CEP152: variants seen among roughly 807,000 people sequenced by gnomAD.
CEP152 encodes the protein centrosomal protein 152, also known as centrosomal protein of 152 kDa.
In CEP152, 132 loss-of-function variants were observed where a neutral mutation model predicts 188.9. That is an observed-to-expected ratio of 0.70 (90% CI 0.61 to 0.81). The LOEUF (loss-of-function observed/expected upper bound fraction) is 0.81, where lower values mean the gene tolerates loss of function less well. Among genes scored for constraint, CEP152 ranks in the 30% least tolerant of loss-of-function variants. The probability of loss-of-function intolerance (pLI) is 0.00; values close to 1 mark genes in which losing one functional copy is unlikely to be tolerated. For missense variants in CEP152, 1,914 were observed against 1,969.8 expected, an observed-to-expected ratio of 0.97 and a Z score of 0.54; for synonymous variants, 649 against 666.6, an observed-to-expected ratio of 0.97 and a Z score of 0.41.
chr15:48,741,717 C>T lies in CEP152; in HGVS notation c.3990-13G>A. 1 of 1,613,794 alleles carries T rather than the reference C, an allele frequency of 6.2e-7. No homozygotes were observed. The highest frequency in any genetic ancestry group is 8.5e-7 in the Non-Finnish European group (1 of 1,179,980). On this transcript the variant is annotated splice_polypyrimidine_tract_variant and intron_variant, in intron 25 of 26. Transcript: ENST00000380950. ...CTTTTTCTCAGCCCTGTGGGGAATTCCAGAATATTAAAAATATAGTTTAAA... is the reference window on the plus strand; with the variant it reads ...CTTTTTCTCAGCCCTGTGGGGAATTTCAGAATATTAAAAATATAGTTTAAA...
intron 9 of CEP152, 43 bp downstream of exon 9, chr15:48,788,758 C>G: frequency 6.5e-7 from 1 of 1,537,678 alleles, no homozygotes; most frequent in Non-Finnish European, 9.0e-7. Context: ...ACATAACCAG[C>G]TTTACTTGTT....
rs34837739 is a variant in CEP152, at chr15:48,765,636, ATTTTTTTTTTTT to A, written c.2280+1412_2280+1423del. The A allele has an allele frequency of 5.3e-4, 100 of 189,458 alleles. 1 individual carries two copies. Among genetic ancestry groups the A allele is most frequent in the Middle Eastern group, 1.7e-3 (2 of 1,204 alleles). 11.7% of individuals were successfully genotyped at this position (189,458 alleles called of 1,614,324 possible). ...GAAAATTCCTCTTATGTTCTTGCCA[ATTTTTTTTTTTT>A]TTTTTTTTTTTTTTTTTTTTTGAGA... On this transcript the variant is annotated intron_variant, in intron 17 of 26. Coordinates refer to ENST00000380950, the MANE Select transcript of CEP152 (RefSeq NM_001194998.2).
intron 7 of CEP152, 64 bp from the exon 8 acceptor site, chr15:48,791,440 CA>C: frequency 7.3e-7 from 1 of 1,362,476 alleles, no homozygotes; most frequent in Non-Finnish European, 1.0e-6. Flanking sequence ...GTCACAATCC[CA>C]ATCAGATGTC....
chr15:48,793,581 G>C, intron 6 of CEP152, 120 bp from the exon 7 acceptor site: 9 of 829,748 alleles, frequency 1.1e-5, no homozygotes, highest in South Asian at 1.6e-5. Flanking sequence ...AATCAATTCA[G>C]TGAATTGTGA....
At chr15:48,766,200 T>C (rs1462523088) in intron 17 of CEP152, among the ~76,000 whole-genome samples, 1 of 152,234 alleles carries the variant, frequency 6.6e-6, no homozygotes, top group Non-Finnish European at 1.5e-5. Flanking sequence ...ACTGAATTCC[T>C]CGCCTGCTCT....
chr15:48,769,723 G>A (rs1895392806), intron 13 of CEP152, among the ~76,000 whole-genome samples: 1 of 152,126 alleles, frequency 6.6e-6, no homozygotes, highest in Non-Finnish European at 1.5e-5. Flanking sequence ...CTCCTACTAA[G>A]ATCAAGCATT....
intron 13 of CEP152, among the ~76,000 whole-genome samples, chr15:48,772,286 C>T (rs1202676979): frequency 6.6e-6 from 1 of 152,058 alleles, no homozygotes. Context: ...TGGCGTGCGC[C>T]TGTGGTCCCA....
chr15:48,776,595 C>CT (rs1895923543), intron 12 of CEP152, among the ~76,000 whole-genome samples: 1 of 152,064 alleles, frequency 6.6e-6, no homozygotes, highest in Non-Finnish European at 1.5e-5. Flanking sequence ...ATAAGTAAAA[C>CT]TTTTAAACAG....
At chr15:48,747,552 A>G (rs1328929766) in intron 22 of CEP152, among the ~76,000 whole-genome samples, 2 of 152,196 alleles carry the variant, frequency 1.3e-5, no homozygotes, top group African/African-American at 4.8e-5. Flanking sequence ...AGGGAAAATC[A>G]AGAAGGGCTT....
At chr15:48,745,026 T>TA in intron 22 of CEP152, 34 bp from the exon 23 acceptor site, 4 of 1,488,732 alleles carry the variant, frequency 2.7e-6, no homozygotes, top group Non-Finnish European at 3.6e-6. Context: ...ATTAGACAGT[T>TA]AAAAATTTTT....
At chr15:48,789,049 T>C (rs778114753) in intron 8 of CEP152, 48 bp from the exon 9 acceptor site, 8 of 1,488,794 alleles carry the variant, frequency 5.4e-6, no homozygotes, top group African/African-American at 4.1e-5. Context: ...ACACAGAGTA[T>C]TTTAGCTCTG....
At chr15:48,809,850 ATC>A (rs1193121656) in intron 1 of CEP152, among the ~76,000 whole-genome samples, 2 of 152,232 alleles carry the variant, frequency 1.3e-5, no homozygotes, top group Non-Finnish European at 2.9e-5. Context: ...GATTCCGCAT[ATC>A]TGAGAAAAGG....
At chr15:48,750,674 A>G (rs1329667500) in intron 21 of CEP152, among the ~76,000 whole-genome samples, 2 of 152,212 alleles carry the variant, frequency 1.3e-5, no homozygotes, top group Admixed American at 1.3e-4. Context: ...TGAATGAACT[A>G]GAGCTATTGC....
intron 3 of CEP152, 102 bp downstream of exon 3, chr15:48,797,846 A>T (rs1897409118): frequency 6.7e-7 from 1 of 1,493,346 alleles, no homozygotes; most frequent in Non-Finnish European, 9.2e-7. Flanking sequence ...AAATTTTAAG[A>T]ATCAATTTAC....
At chr15:48,745,023 A>G in intron 22 of CEP152, 31 bp from the exon 23 acceptor site, 2 of 1,501,652 alleles carry the variant, frequency 1.3e-6, no homozygotes, top group Non-Finnish European at 1.8e-6. Context: ...TATATTAGAC[A>G]GTTAAAAATT....
chr15:48,791,200 TTTAA>T (rs767125174), intron 8 of CEP152, 33 bp downstream of exon 8: 1 of 1,579,700 alleles, frequency 6.3e-7, no homozygotes, highest in Non-Finnish European at 8.6e-7. Context: ...TAACTAAACT[TTTAA>T]TTTTTTTACC....
At position 48,791,421 on chromosome 15, in the gene CEP152, G is replaced by A. The variant is rs201345086; in HGVS notation, c.833-45C>T. 7.8e-5 allele frequency: 121 copies of A among 1,543,182 alleles called. No homozygotes were observed. In the African/African-American group the frequency reaches 1.5e-3, roughly 20 times the overall value. The stretch of plus-strand genomic sequence containing the variant: ...TATATAAATAATGTTCCTGTAGAGG[G>A]ACCCCAATGTCACAATCCCAATCAG... On this transcript the variant is annotated intron_variant, in intron 7 of 26. Transcript: ENST00000380950.
In CEP152 at chr15:48,744,328, C is replaced by A; in HGVS notation, c.3747G>T (p.Gly1249=). Reference sequence around the variant, plus strand: ...ATGGCAGGCAAGCATTTTCAATGGCCCCTGCTGACAATGACCTAAAAAACA... The same window carrying A: ...ATGGCAGGCAAGCATTTTCAATGGCACCTGCTGACAATGACCTAAAAAACA... ...CKTPPRSLSA[G]AIENACLPCS... The change falls in exon 24 of 27, where the codon GGG becomes GGT. Residue 1249 remains glycine, a synonymous_variant. Coordinates refer to ENST00000380950, the MANE Select transcript of CEP152 (RefSeq NM_001194998.2). 6.2e-7 allele frequency: 1 copy of A among 1,613,942 alleles called. No homozygotes were observed. The highest frequency in any genetic ancestry group is 2.2e-5 in the East Asian group (1 of 44,840).
chr15:48,768,112 G>T (rs961800652), intron 15 of CEP152, 107 bp downstream of exon 15: 2 of 741,382 alleles, frequency 2.7e-6, no homozygotes, highest in Non-Finnish European at 4.9e-6. Flanking sequence ...TCTCAACAGG[G>T]TAGAAATCAC....
Sources: gnomAD v4.1 joint callset for allele counts (sites outside exome capture counted in the v4.1 genomes callset) on GRCh38, gnomAD v4.1.1 for gene constraint, MANE v1.5 for transcripts, NCBI Gene and HGNC (gene_info 2026-07-23, HGNC 2026-07-21) for gene names.